Variants in NRG2 observed in about 807,000 individuals in gnomAD.
NRG2 encodes the protein neuregulin 2, also known as pro-neuregulin-2, membrane-bound isoform.
A neutral mutation model predicts 73.9 loss-of-function variants in NRG2; 27 were observed. That is an observed-to-expected ratio of 0.37 (90% CI 0.27 to 0.50). NRG2 has a LOEUF of 0.50. NRG2 is among the 20% of genes least tolerant of loss of function. NRG2 has a pLI of 0.96. For missense variants in NRG2, 1,126 were observed against 1,210.1 expected (o/e 0.93, Z 1.03); for synonymous variants, 532 against 541.0 (o/e 0.98, Z 0.23).
chr5:139,916,578 C>T (rs552041652), intron 1 of NRG2, among the ~76,000 whole-genome samples: 6 of 152,144 alleles, frequency 3.9e-5, no homozygotes, highest in Non-Finnish European at 7.4e-5. Flanking sequence ...CCCCTGGCAA[C>T]CACTGATTGA....
At chr5:139,982,298 G>A (rs1756862021) in intron 1 of NRG2, among the ~76,000 whole-genome samples, 1 of 152,034 alleles carries the variant, frequency 6.6e-6, no homozygotes, top group Non-Finnish European at 1.5e-5. Context: ...GGGCACTCCT[G>A]AGCCTCAGCA....
chr5:139,866,983 A>G (rs1762507948), intron 4 of NRG2, among the ~76,000 whole-genome samples: 1 of 152,212 alleles, frequency 6.6e-6, no homozygotes, highest in Non-Finnish European at 1.5e-5. Flanking sequence ...TTGCCTCTGC[A>G]TCTTCTTCCT....
At chr5:140,016,075 G>A (rs997128065) in intron 1 of NRG2, among the ~76,000 whole-genome samples, 3 of 152,176 alleles carry the variant, frequency 2.0e-5, no homozygotes, top group African/African-American at 7.2e-5. Flanking sequence ...TATGGGATAG[G>A]CTGGCTCCTA....
At chr5:139,901,100 C>T (rs73791230) in intron 1 of NRG2, among the ~76,000 whole-genome samples, 1,790 of 152,266 alleles carry the variant, frequency 0.012, 30 homozygotes, top group African/African-American at 0.041. Flanking sequence ...ACTGGCCATC[C>T]GATTCCCCCA....
rs1236643210 is a variant in NRG2 at position 139,851,754 on chromosome 5, G to A, written c.1622C>T (p.Ser541Leu). 3.7e-6 allele frequency: 6 copies of A among 1,614,152 alleles called. No homozygotes were observed. In the African/African-American group the frequency reaches 6.7e-5, roughly 18 times the overall value. Reference sequence around the variant, plus strand: ...GCTGTTGCATTTGCTGGTACCCACTGATGATAGCATGATCCCCGACTGGGA... The same window carrying A: ...GCTGTTGCATTTGCTGGTACCCACTAATGATAGCATGATCCCCGACTGGGA... ...SDSQSGIMLS[S>L]VGTSKCNSPA... The change falls in exon 9 of 10, where the codon TCA (serine) becomes TTA (leucine). Residue 541 changes from serine to leucine, a missense_variant. Ser to Leu is a moderately radical substitution (Grantham distance 145, BLOSUM62 -2). This residue lies in a region of NRG2 where 539 missense variants were observed against 703.2 expected (regional missense o/e 0.77). Transcript: ENST00000361474. The surrounding 1 kb of genome is among the most constrained non-coding windows in gnomAD (Gnocchi z 4.2).
chr5:139,888,461 G>T (rs1039552842), intron 1 of NRG2, among the ~76,000 whole-genome samples: 1 of 152,216 alleles, frequency 6.6e-6, no homozygotes, highest in Non-Finnish European at 1.5e-5. Flanking sequence ...ATTTCTCTCT[G>T]TGAGATGGTT....
chr5:139,992,029 C>A (rs896942498), intron 1 of NRG2, among the ~76,000 whole-genome samples: 3 of 152,018 alleles, frequency 2.0e-5, no homozygotes, highest in African/African-American at 7.2e-5. Context: ...TATTTTAAAT[C>A]CTTACCAGGT....
chr5:139,884,906 G>A lies in NRG2; in HGVS notation c.872+2434C>T, dbSNP rs201245893. ...AGGGAGGCCAGATAAGAAATGTGCA[G>A]GAGGAGGGAAAGAGGCACGACCCCC... On this transcript the variant is annotated intron_variant, in intron 2 of 9. Coordinates refer to ENST00000361474, the MANE Select transcript of NRG2 (RefSeq NM_004883.3). 3.3e-5 allele frequency among the ~76,000 whole-genome samples: 5 copies of A among 152,308 alleles called. No individual in the cohort carries two copies. In the East Asian group the frequency reaches 7.7e-4, roughly 23 times the overall value.
At chr5:140,010,836 C>T (rs1419880384) in intron 1 of NRG2, among the ~76,000 whole-genome samples, 2 of 152,176 alleles carry the variant, frequency 1.3e-5, no homozygotes, top group Non-Finnish European at 2.9e-5. Context: ...TGGAAAGCAT[C>T]GGACACATCC....
At chr5:140,039,453 C>A (rs1347614880) in intron 1 of NRG2, among the ~76,000 whole-genome samples, 1 of 152,194 alleles carries the variant, frequency 6.6e-6, no homozygotes, top group Non-Finnish European at 1.5e-5. Flanking sequence ...CAGATGTACT[C>A]TTTCTGGATA....
chr5:139,896,878 G>C (rs1323348448), intron 1 of NRG2, among the ~76,000 whole-genome samples: 2 of 152,122 alleles, frequency 1.3e-5, no homozygotes, highest in Non-Finnish European at 2.9e-5. Context: ...ACCTTCCTTG[G>C]CTCTGTGATG....
intron 1 of NRG2, among the ~76,000 whole-genome samples, chr5:139,938,278 T>G (rs891412979): frequency 2.0e-5 from 3 of 152,118 alleles, no homozygotes; most frequent in Non-Finnish European, 2.9e-5. Flanking sequence ...ATAAAATGTA[T>G]GTGGAAATGC....
At chr5:140,005,298 C>G (rs1269835201) in intron 1 of NRG2, among the ~76,000 whole-genome samples, 3 of 152,326 alleles carry the variant, frequency 2.0e-5, no homozygotes, top group African/African-American at 7.2e-5. Context: ...TCACCAGAGA[C>G]CTCTACTCTC....
intron 1 of NRG2, among the ~76,000 whole-genome samples, chr5:140,012,884 T>C (rs1463814608): frequency 6.6e-6 from 1 of 152,212 alleles, no homozygotes; most frequent in Admixed American, 6.5e-5. Context: ...GCCCATGCAA[T>C]TGAATGTAGC....
rs1759069136 is a variant in NRG2, at chr5:140,008,313, G to A, written c.700+34057C>T. On this transcript the variant is annotated intron_variant, in intron 1 of 9. Coordinates refer to ENST00000361474, the MANE Select transcript of NRG2 (RefSeq NM_004883.3). The surrounding 1 kb of genome is among the most constrained non-coding windows in gnomAD (Gnocchi z 4.2). Reference sequence around the variant, plus strand: ...AAACAAAAGGGCTCTTGTTCCACTAGGGCTATCGCTGGCCCCTTTTACTGG... The same window carrying A: ...AAACAAAAGGGCTCTTGTTCCACTAAGGCTATCGCTGGCCCCTTTTACTGG... Among the ~76,000 whole-genome samples, 1 of 152,166 alleles carries A rather than the reference G, an allele frequency of 6.6e-6. No individual in the cohort carries two copies. The highest frequency in any genetic ancestry group is 2.4e-5 in the African/African-American group (1 of 41,424).
chr5:139,852,821 GC>G lies in NRG2; in HGVS notation c.1416+82del. 6.3e-7 allele frequency: 1 copy of G among 1,586,764 alleles called. No homozygotes were observed. Among genetic ancestry groups the G allele is most frequent in the Non-Finnish European group, 8.6e-7 (1 of 1,168,932 alleles). On this transcript the variant is annotated intron_variant, in intron 7 of 9. Coordinates refer to ENST00000361474, the MANE Select transcript of NRG2 (RefSeq NM_004883.3). This position sits in a 1 kb window ranked among gnomAD's most constrained non-coding sequence, Gnocchi z 4.4. ...CTGGCCATGGGATAGGCTGGCTGCT[GC>G]CCTGGCCCATCCTTGCAGGGGGCAT...
chr5:139,849,420 A>C (rs113278842), intron 9 of NRG2, among the ~76,000 whole-genome samples: 3,119 of 152,260 alleles, frequency 0.02, 119 homozygotes, highest in African/African-American at 0.071. Context: ...GCTTCAGGGG[A>C]GTACCAAGAT....
At chr5:139,901,001 A>C (rs1047110620) in intron 1 of NRG2, among the ~76,000 whole-genome samples, 19 of 152,252 alleles carry the variant, frequency 1.2e-4, no homozygotes, top group Admixed American at 6.5e-5. Context: ...AGGAGAAGGA[A>C]TGGCCCAGCT....
intron 1 of NRG2, among the ~76,000 whole-genome samples, chr5:139,962,867 T>C (rs1023204919): frequency 1.1e-4 from 17 of 152,164 alleles, no homozygotes; most frequent in African/African-American, 3.6e-4. Context: ...GCAGACCAGA[T>C]ACCAACAAAT....
Sources: gnomAD v4.1 joint callset for allele counts (sites outside exome capture counted in the v4.1 genomes callset) on GRCh38, gnomAD v4.1.1 for gene constraint, gnomAD v4.1.1 regional missense constraint, Gnocchi (gnomAD v3.1) non-coding constraint, MANE v1.5 for transcripts, NCBI Gene and HGNC (gene_info 2026-07-23, HGNC 2026-07-21) for gene names.